The following QSOX2 variants were observed in gnomAD, a reference collection of about 807,000 sequenced individuals.
QSOX2 encodes the protein quiescin sulfhydryl oxidase 2, also known as sulfhydryl oxidase 2.
In QSOX2, 46 loss-of-function variants were observed where a neutral mutation model predicts 61.7. The ratio of observed to expected loss-of-function variants is 0.75; its 90% CI spans 0.59 to 0.95. The LOEUF (loss-of-function observed/expected upper bound fraction) is 0.95. Ranked by LOEUF, QSOX2 falls within the 40% of genes least tolerant of loss-of-function variation. QSOX2 has a pLI of 0.00. For synonymous variants in QSOX2, 383 were observed against 388.4 expected (o/e 0.99, Z 0.16); for missense variants, 879 against 918.9 (o/e 0.96, Z 0.56).
Position 136,215,315 on chromosome 9 carries a change from A to G in QSOX2, c.1210-11T>C. The G allele has an allele frequency of 6.2e-7, 1 of 1,601,684 alleles. No homozygotes were observed. The highest frequency in any genetic ancestry group is 8.5e-7 in the Non-Finnish European group (1 of 1,174,740). ...GAATATTCCAGAAATCTGAAAAACA[A>G]ACAAACAAAAAAACCCCAAAGAATA... On this transcript the variant is annotated splice_polypyrimidine_tract_variant and intron_variant, in intron 9 of 11. Transcript: ENST00000358701.
chr9:136,216,585 G>C lies in QSOX2; in HGVS notation c.1209+15C>G. The C allele has an allele frequency of 1.2e-6, 2 of 1,613,110 alleles. No individual in the cohort carries two copies. Among genetic ancestry groups the C allele is most frequent in the Non-Finnish European group, 1.7e-6 (2 of 1,179,424 alleles). ...AGGAGGGTGCAGCGTGGCTGGCGAG[G>C]GTTCTGGGGCTCACCCGCATCTTGT... On this transcript the variant is annotated intron_variant, in intron 9 of 11. Transcript: ENST00000358701.
rs537708113 is a variant in QSOX2 at position 136,226,869 on chromosome 9, C to T, written c.334G>A (p.Ala112Thr). The T allele has an allele frequency of 6.2e-7, 1 of 1,613,972 alleles. No individual in the cohort carries two copies. Among genetic ancestry groups the T allele is most frequent in the Admixed American group, 1.7e-5 (1 of 60,026 alleles). Residue 112 changes from alanine to threonine, a missense_variant, in exon 2 of 12, where the codon GCC becomes ACC. Physicochemically the swap from Ala to Thr is moderately conservative, Grantham distance 58. Transcript: ENST00000358701. ...RALAGDVRDW[A>T]SAIRVAALDC... The stretch of plus-strand genomic sequence containing the variant: ...AGAGCTGCGACGCGAATGGCACTGG[C>T]CCAGTCTGAAAAGCAGGAGCATGAC...
chr9:136,218,908 G>A (rs1283945532), intron 7 of QSOX2, 100 bp from the exon 8 acceptor site: 202 of 1,568,840 alleles, frequency 1.3e-4, no homozygotes, highest in Non-Finnish European at 1.5e-4. Context: ...GGGCCCCTGG[G>A]AGGGCTCCTG....
rs1209660285 is a variant in QSOX2, at chr9:136,218,800, A to C, written c.965T>G (p.Leu322Arg). The C allele has an allele frequency of 6.2e-7, 1 of 1,613,264 alleles. No homozygotes were observed. Among genetic ancestry groups the C allele is most frequent in the Non-Finnish European group, 8.5e-7 (1 of 1,179,876 alleles). ...CCCTGACTCCAGGTCCACCGTGTAC[A>C]GCTTCGACCTAGGACGGGATATGGC... ...VVWREFDKSK[L>R]YTVDLESGLH... The change falls in exon 8 of 12, where the codon CTG (leucine) becomes CGG (arginine). Residue 322 changes from leucine to arginine, a missense_variant. Leu to Arg is a moderately radical substitution (Grantham distance 102). Transcript: ENST00000358701.
rs554485269 is a variant in QSOX2 at position 136,223,111 on chromosome 9, G to A, written c.675+652C>T. ...AGCTGTTTCCTACATTCACCGCAAG[G>A]CCCCTCACAGTGGACAGAAAAACAG... On this transcript the variant is annotated intron_variant, in intron 5 of 11. Transcript: ENST00000358701. The surrounding 1 kb of genome is among the most constrained non-coding windows in gnomAD (Gnocchi z 4.4). Among the ~76,000 whole-genome samples the A allele has an allele frequency of 6.6e-6, 1 of 152,216 alleles. No individual in the cohort carries two copies. Among genetic ancestry groups the A allele is most frequent in the Non-Finnish European group, 1.5e-5 (1 of 68,040 alleles).
intron 10 of QSOX2, 44 bp downstream of exon 10, chr9:136,215,110 T>C: frequency 6.3e-7 from 1 of 1,595,408 alleles, no homozygotes; most frequent in Non-Finnish European, 8.5e-7. Flanking sequence ...GTTAACTTGT[T>C]AGGCAGACCA....
At chr9:136,231,563 C>G (rs1376240873) in intron 1 of QSOX2, among the ~76,000 whole-genome samples, 2 of 152,288 alleles carry the variant, frequency 1.3e-5, no homozygotes, top group African/African-American at 4.8e-5. Context: ...GTCCAATCAG[C>G]CTGGCGGCCC....
At chr9:136,241,964 G>A (rs1240679935) in intron 1 of QSOX2, among the ~76,000 whole-genome samples, 3 of 152,222 alleles carry the variant, frequency 2.0e-5, no homozygotes, top group Admixed American at 6.5e-5. Flanking sequence ...GAGGCATTTC[G>A]GAGATCTCAC....
chr9:136,224,078 C>A lies in QSOX2; in HGVS notation c.513G>T (p.Thr171=). The part of the protein sequence containing the change: ...PDRELRTVRQ[T]MIDFLQNHTE... ...TGTGGTTCTGCAGGAAGTCAATCAT[C>A]GTCTGTCTGACTGTTCGCAGCTCTC... The change falls in exon 4 of 12, where the codon ACG becomes ACT. Residue 171 remains threonine (T), a synonymous_variant. Coordinates refer to ENST00000358701, the MANE Select transcript of QSOX2 (RefSeq NM_181701.4). 1 of 1,614,062 alleles carries A rather than the reference C, an allele frequency of 6.2e-7. No individual in the cohort carries two copies. The highest frequency in any genetic ancestry group is 8.5e-7 in the Non-Finnish European group (1 of 1,180,008).
At chr9:136,232,837 C>G (rs1830342998) in intron 1 of QSOX2, among the ~76,000 whole-genome samples, 1 of 142,406 alleles carries the variant, frequency 7.0e-6, no homozygotes, top group Non-Finnish European at 1.5e-5. Context: ...GGGAGAACTA[C>G]TTGAGCTCAG....
chr9:136,225,019 C>T lies in QSOX2; in HGVS notation c.430-110G>A, dbSNP rs540407520. On this transcript the variant is annotated intron_variant, in intron 2 of 11. Transcript: ENST00000358701. ...AGAGGGAGCTTTACTCAATTTCCTTCGGAAAGTTTTCATAAATTAATGACA... is the reference window on the plus strand; with the variant it reads ...AGAGGGAGCTTTACTCAATTTCCTTTGGAAAGTTTTCATAAATTAATGACA... 3.8e-4 allele frequency: 258 copies of T among 681,816 alleles called. 2 individuals carry two copies. Among genetic ancestry groups the T allele is most frequent in the African/African-American group, 3.5e-3 (187 of 53,850 alleles). 42.2% of individuals were successfully genotyped at this position (681,816 alleles called of 1,614,324 possible).
At chr9:136,239,002 CT>C (rs1804978050) in intron 1 of QSOX2, among the ~76,000 whole-genome samples, 1 of 152,210 alleles carries the variant, frequency 6.6e-6, no homozygotes, top group Non-Finnish European at 1.5e-5. Context: ...AAAAGGTCCC[CT>C]GGACACTGCA....
chr9:136,219,139 A>C lies in QSOX2; in HGVS notation c.847T>G (p.Ser283Ala). 2 of 1,613,966 alleles carry C rather than the reference A, an allele frequency of 1.2e-6. No homozygotes were observed. Among genetic ancestry groups the C allele is most frequent in the Non-Finnish European group, 1.7e-6 (2 of 1,180,002 alleles). ...TCCGGCAATGACTTCAAATAAGACG[A>C]AAAGAAGGCCCGCAGAGGCTTCACG... ...NVVKPLRAFF[S>A]SYLKSLPDVR... The change falls in exon 7 of 12, where the codon TCG becomes GCG. Residue 283 changes from serine (S) to alanine (A), a missense_variant. Ser to Ala is a moderately conservative substitution (Grantham distance 99). Transcript: ENST00000358701.
chr9:136,219,206 A>G (rs1254375132), intron 6 of QSOX2, 42 bp from the exon 7 acceptor site: 1 of 1,592,982 alleles, frequency 6.3e-7, no homozygotes, highest in Non-Finnish European at 8.5e-7. Context: ...AGCCTCCTTT[A>G]TAAAATCCTA....
chr9:136,227,931 G>A (rs938805415), intron 1 of QSOX2, among the ~76,000 whole-genome samples: 9 of 152,038 alleles, frequency 5.9e-5, no homozygotes, highest in African/African-American at 2.2e-4. Flanking sequence ...GTGAGCCGGC[G>A]ACAGGGGGAG....
chr9:136,226,416 G>A (rs1452781033), intron 2 of QSOX2, among the ~76,000 whole-genome samples: 1 of 152,176 alleles, frequency 6.6e-6, no homozygotes, highest in Non-Finnish European at 1.5e-5. Flanking sequence ...CATGGTACAC[G>A]GACCACACGC....
At position 136,224,126 on chromosome 9, in the gene QSOX2, A is replaced by G. The variant is rs145151343; in HGVS notation, c.479-14T>C. ...CTCGGTCAGGTCCTGCCGGAAGCAC[A>G]CCAGGGTCAGAGCTGTGTGTGCGGC... is the stretch of plus-strand genomic sequence containing the variant. On this transcript the variant is annotated splice_polypyrimidine_tract_variant and intron_variant, in intron 3 of 11. Transcript: ENST00000358701. 56 of 1,607,180 alleles carry G rather than the reference A, an allele frequency of 3.5e-5. No homozygotes were observed. Among genetic ancestry groups the G allele is most frequent in the Non-Finnish European group, 4.6e-5 (54 of 1,174,582 alleles).
At chr9:136,210,994 G>T in intron 11 of QSOX2, 4 of 739,208 alleles carry the variant, frequency 5.4e-6, no homozygotes, top group Non-Finnish European at 6.6e-6. Flanking sequence ...GGTACCGATG[G>T]GGGAAGAAAG....
chr9:136,212,021 G>C (rs901517045), intron 10 of QSOX2, among the ~76,000 whole-genome samples: 1 of 152,266 alleles, frequency 6.6e-6, no homozygotes, highest in Admixed American at 6.5e-5. Flanking sequence ...CCACGGGCGT[G>C]AGGATGTGGA....
Sources: allele counts gnomAD v4.1 joint callset (sites outside exome capture counted in the v4.1 genomes callset), GRCh38; gene constraint gnomAD v4.1.1; non-coding constraint Gnocchi (gnomAD v3.1); transcripts MANE v1.5; gene names NCBI Gene and HGNC (gene_info 2026-07-23, HGNC 2026-07-21).